Variants in ADIPOQ observed in about 807,000 individuals in gnomAD.
ADIPOQ encodes adiponectin, C1Q and collagen domain containing.
Under a neutral mutation model 16.1 loss-of-function variants are expected in ADIPOQ, and 19 were observed. The ratio of observed to expected loss-of-function variants is 1.18; its 90% CI spans 0.82 to 1.73. The LOEUF (loss-of-function observed/expected upper bound fraction) is 1.73. Among genes scored for constraint, ADIPOQ ranks in the 40% most tolerant of loss-of-function variants. The pLI is 0.00. For missense variants in ADIPOQ, 323 were observed against 308.3 expected (o/e 1.05, Z -0.36); for synonymous variants, 124 against 125.5 (o/e 0.99, Z 0.08).
At chr3:186,843,097 G>A (rs1711502019) in intron 1 of ADIPOQ, among the ~76,000 whole-genome samples, 1 of 152,178 alleles carries the variant, frequency 6.6e-6, no homozygotes, top group Admixed American at 6.5e-5. Context: ...GGGGGATAAG[G>A]GAATACATTG....
chr3:186,850,493 C>G (rs1711716252), intron 1 of ADIPOQ, among the ~76,000 whole-genome samples: 1 of 151,916 alleles, frequency 6.6e-6, no homozygotes, highest in Non-Finnish European at 1.5e-5. Context: ...ATGTGCATAC[C>G]TTTTGGTCCA....
chr3:186,854,635 T>C lies in ADIPOQ; in HGVS notation c.666T>C (p.Asn222=), dbSNP rs764326066. Residue 222 remains asparagine, a synonymous_variant, in exon 3 of 3, where the codon AAT becomes AAC. Transcript: ENST00000320741. ...AGGTGTATGGGGAAGGAGAGCGTAATGGACTCTATGCTGATAATGACAATG... is the reference window on the plus strand; with the variant it reads ...AGGTGTATGGGGAAGGAGAGCGTAACGGACTCTATGCTGATAATGACAATG... ...WLQVYGEGER[N]GLYADNDNDS... 6.2e-7 allele frequency: 1 copy of C among 1,614,174 alleles called. No individual in the cohort carries two copies. Among genetic ancestry groups the C allele is most frequent in the Non-Finnish European group, 8.5e-7 (1 of 1,180,036 alleles).
intron 2 of ADIPOQ, among the ~76,000 whole-genome samples, chr3:186,853,587 G>T (rs61038983): frequency 6.6e-6 from 1 of 151,926 alleles, no homozygotes; most frequent in Non-Finnish European, 1.5e-5. Context: ...ATTTCACCCA[G>T]TGGCATTCAA....
At chr3:186,845,098 G>C (rs762567154) in intron 1 of ADIPOQ, among the ~76,000 whole-genome samples, 1 of 151,794 alleles carries the variant, frequency 6.6e-6, no homozygotes, top group African/African-American at 2.4e-5. Context: ...TTGGATGGGT[G>C]TGTATGTGTG....
chr3:186,845,253 C>T (rs1022149744), intron 1 of ADIPOQ, among the ~76,000 whole-genome samples: 1 of 152,084 alleles, frequency 6.6e-6, no homozygotes, highest in African/African-American at 2.4e-5. Flanking sequence ...TGAGTGAAGG[C>T]TTTCGGGCAA....
At position 186,846,115 on chromosome 3, in the gene ADIPOQ, T is replaced by A. The variant is rs151074250; in HGVS notation, c.-9+3366T>A. Among the ~76,000 whole-genome samples, 504 of 152,300 alleles carry A rather than the reference T, an allele frequency of 3.3e-3. 7 individuals are homozygous for A. The highest frequency in any genetic ancestry group is 8.8e-3 in the African/African-American group (365 of 41,568). Reference sequence around the variant, plus strand: ...GATAAATAACGTGTAAAATCTAGCATGGGAACTGGCTTCTATAAGGTTCTA... The same window carrying A: ...GATAAATAACGTGTAAAATCTAGCAAGGGAACTGGCTTCTATAAGGTTCTA... On this transcript the variant is annotated intron_variant, in intron 1 of 2. Coordinates refer to ENST00000320741, the MANE Select transcript of ADIPOQ (RefSeq NM_004797.4).
At chr3:186,849,170 C>T (rs1711668466) in intron 1 of ADIPOQ, among the ~76,000 whole-genome samples, 1 of 152,210 alleles carries the variant, frequency 6.6e-6, no homozygotes, top group Admixed American at 6.5e-5. Context: ...CCCCGTCACC[C>T]TTTATCTCTG....
intron 1 of ADIPOQ, among the ~76,000 whole-genome samples, chr3:186,848,581 T>A (rs1265240171): frequency 6.6e-6 from 1 of 152,038 alleles, no homozygotes; most frequent in Non-Finnish European, 1.5e-5. Flanking sequence ...ATGAGGAACA[T>A]GAGAACGCTG....
intron 1 of ADIPOQ, among the ~76,000 whole-genome samples, chr3:186,848,614 G>C (rs1395024690): frequency 2.0e-5 from 3 of 152,152 alleles, no homozygotes; most frequent in Non-Finnish European, 4.4e-5. Context: ...GTTCCTTGGA[G>C]TATCATTTTC....
Position 186,855,112 on chromosome 3 carries a change from C to T in ADIPOQ, c.*408C>T, listed in dbSNP as rs1229222325. ...ACAGTGCTAGAAATCAAACCCAGAG[C>T]TGTGGACTTTGTTCACTAGACTGTG... On this transcript the variant is annotated 3_prime_UTR_variant, in exon 3 of 3. Transcript: ENST00000320741. 3.7e-6 allele frequency: 1 copy of T among 273,828 alleles called. No individual in the cohort carries two copies. Among genetic ancestry groups the T allele is most frequent in the East Asian group, 1.0e-4 (1 of 9,924 alleles). The allele number at this position is 273,828 out of a possible 1,614,324, so 17.0% of individuals were successfully genotyped here. A position where few individuals can be genotyped will look rare whatever the true frequency, so the allele number is the denominator to read the frequency against.
At chr3:186,848,493 G>A (rs1447158628) in intron 1 of ADIPOQ, among the ~76,000 whole-genome samples, 1 of 152,146 alleles carries the variant, frequency 6.6e-6, no homozygotes, top group Non-Finnish European at 1.5e-5. Flanking sequence ...GCTTTCCATC[G>A]CATCACGGTG....
rs762671089 is a variant in ADIPOQ at position 186,854,213 on chromosome 3, G to A, written c.244G>A (p.Glu82Lys). 1.9e-6 allele frequency: 3 copies of A among 1,613,376 alleles called. No individual in the cohort carries two copies. The highest frequency in any genetic ancestry group is 2.2e-5 in the South Asian group (2 of 91,032). Residue 82 changes from glutamate (E) to lysine (K), a missense_variant, in exon 3 of 3, where the codon GAA becomes AAA. Transcript: ENST00000320741. ...TATTGGTCCTAAGGGAGACATCGGT[G>A]AAACCGGAGTACCCGGGGCTGAAGG... ...GLIGPKGDIG[E>K]TGVPGAEGPR...
rs1712055252 is a variant in ADIPOQ, at chr3:186,857,634, A to C, written c.*2930A>C. On this transcript the variant is annotated 3_prime_UTR_variant, in exon 3 of 3. Transcript: ENST00000320741. Reference sequence around the variant, plus strand: ...ACTGAGGCCAAAAGAGGCCTGAGAGAAACTGAGGTCAAGATTTCAGGATTA... The same window carrying C: ...ACTGAGGCCAAAAGAGGCCTGAGAGCAACTGAGGTCAAGATTTCAGGATTA... 6.6e-6 allele frequency: 1 copy of C among 152,184 alleles called. No homozygotes were observed. Among genetic ancestry groups the C allele is most frequent in the Non-Finnish European group, 1.5e-5 (1 of 68,034 alleles). The allele number at this position is 152,184 out of a possible 1,614,324, so 9.4% of individuals were successfully genotyped here. A position where few individuals can be genotyped will look rare whatever the true frequency, so the allele number is the denominator to read the frequency against.
chr3:186,855,179 G>T lies in ADIPOQ; in HGVS notation c.*475G>T, dbSNP rs201246459. 42 of 177,754 alleles carry T rather than the reference G, an allele frequency of 2.4e-4. 1 individual carries two copies. In the Middle Eastern group the frequency reaches 8.2e-3, roughly 35 times the overall value. 11.0% of individuals were successfully genotyped at this position (177,754 alleles called of 1,614,324 possible). A position where few individuals can be genotyped will look rare whatever the true frequency, so the allele number is the denominator to read the frequency against. On this transcript the variant is annotated 3_prime_UTR_variant, in exon 3 of 3. Coordinates refer to ENST00000320741, the MANE Select transcript of ADIPOQ (RefSeq NM_004797.4). ...CATGTTCTCTTTGGAGTGTTGGTAG[G>T]TGTCTGTTTCCCACCTCACCTGAGA... is the stretch of plus-strand genomic sequence containing the variant.
intron 1 of ADIPOQ, among the ~76,000 whole-genome samples, chr3:186,845,314 T>C (rs1269948662): frequency 6.6e-6 from 1 of 152,172 alleles, no homozygotes; most frequent in Non-Finnish European, 1.5e-5. Flanking sequence ...ATGCCATTTA[T>C]TATTGGGTTG....
intron 1 of ADIPOQ, among the ~76,000 whole-genome samples, chr3:186,847,778 T>A (rs2108488681): frequency 6.6e-6 from 1 of 152,334 alleles, no homozygotes; most frequent in East Asian, 1.9e-4. Flanking sequence ...CACTTGAGAT[T>A]TAGCTTGTTG....
chr3:186,847,474 A>G (rs951016338), intron 1 of ADIPOQ, among the ~76,000 whole-genome samples: 2 of 152,268 alleles, frequency 1.3e-5, no homozygotes, highest in African/African-American at 4.8e-5. Flanking sequence ...CTGCCAGGAA[A>G]GAAACATTAA....
intron 1 of ADIPOQ, among the ~76,000 whole-genome samples, chr3:186,845,393 CAG>C (rs1711553999): frequency 6.6e-6 from 1 of 151,880 alleles, no homozygotes; most frequent in Admixed American, 6.6e-5. Context: ...TTTTTTGAGA[CAG>C]AGTTTCACAC....
intron 1 of ADIPOQ, among the ~76,000 whole-genome samples, chr3:186,850,200 G>A (rs971690275): frequency 5.3e-5 from 8 of 150,638 alleles, no homozygotes; most frequent in Admixed American, 2.7e-4. Flanking sequence ...AACCTGGGAG[G>A]TGGAGGCTGT....
Sources: gnomAD v4.1 joint callset for allele counts (sites outside exome capture counted in the v4.1 genomes callset) on GRCh38, gnomAD v4.1.1 for gene constraint, MANE v1.5 for transcripts, NCBI Gene and HGNC (gene_info 2026-07-23, HGNC 2026-07-21) for gene names.